Variants in BMP6 observed in about 807,000 individuals in gnomAD.
The protein encoded by BMP6 is VG-1-R.
In BMP6, 17 loss-of-function variants were observed where a neutral mutation model predicts 54.1. That is an observed-to-expected ratio of 0.31 (90% CI 0.22 to 0.47). The LOEUF (loss-of-function observed/expected upper bound fraction) is 0.47, where lower values mean the gene tolerates loss of function less well. Ranked by LOEUF, BMP6 falls within the 20% of genes least tolerant of loss-of-function variation. The pLI is 1.00. For synonymous variants in BMP6, 328 were observed against 291.2 expected (o/e 1.13, Z -1.28); for missense variants, 720 against 690.4 (o/e 1.04, Z -0.48).
intron 1 of BMP6, among the ~76,000 whole-genome samples, chr6:7,837,232 T>G (rs1758889761): frequency 6.6e-6 from 1 of 152,218 alleles, no homozygotes; most frequent in South Asian, 2.1e-4. Context: ...GTTTGTAGTT[T>G]GAGATAGGCA....
At chr6:7,791,207 C>A (rs755480680) in intron 1 of BMP6, among the ~76,000 whole-genome samples, 1 of 152,172 alleles carries the variant, frequency 6.6e-6, no homozygotes, top group African/African-American at 2.4e-5. Context: ...TGTGACTTCT[C>A]CATCATCCCA....
rs1051292435 is a variant in BMP6, at chr6:7,771,774, C to T, written c.664+44155C>T. Among the ~76,000 whole-genome samples the T allele has an allele frequency of 5.9e-5, 9 of 152,144 alleles. No homozygotes were observed. In the South Asian group the frequency reaches 6.2e-4, roughly 11 times the overall value. ...CCTTTCCTTAGAAGTCCTTTTAGGT[C>T]GGATGCGGTGGCTCATGCCTGTAAT... On this transcript the variant is annotated intron_variant, in intron 1 of 6. Transcript: ENST00000283147.
intron 1 of BMP6, among the ~76,000 whole-genome samples, chr6:7,739,531 A>G (rs1373839911): frequency 1.3e-5 from 2 of 152,352 alleles, no homozygotes; most frequent in East Asian, 3.9e-4. Flanking sequence ...GATACATAAA[A>G]GTTCTTACTT....
At chr6:7,772,748 T>G (rs1174601419) in intron 1 of BMP6, among the ~76,000 whole-genome samples, 1 of 152,224 alleles carries the variant, frequency 6.6e-6, no homozygotes, top group Non-Finnish European at 1.5e-5. Context: ...TGGACACCGC[T>G]TGGGGAGAAC....
rs544573534 is a variant in BMP6 at position 7,880,514 on chromosome 6, C to A, written c.*171C>A. On this transcript the variant is annotated 3_prime_UTR_variant, in exon 7 of 7. Transcript: ENST00000283147. ...TAAAGGACCTCATTAATAATTTGCTCACTTGGTAAATGACGTGAGTAGTTG... is the reference window on the plus strand; with the variant it reads ...TAAAGGACCTCATTAATAATTTGCTAACTTGGTAAATGACGTGAGTAGTTG... 7 of 908,498 alleles carry A rather than the reference C, an allele frequency of 7.7e-6. No homozygotes were observed. In the South Asian group the frequency reaches 1.2e-4, roughly 15 times the overall value. 56.3% of individuals were successfully genotyped at this position (908,498 alleles called of 1,614,324 possible). A position where few individuals can be genotyped will look rare whatever the true frequency, so the allele number is the denominator to read the frequency against.
intron 1 of BMP6, among the ~76,000 whole-genome samples, chr6:7,729,934 G>A (rs1761822644): frequency 6.6e-6 from 1 of 152,158 alleles, no homozygotes. Flanking sequence ...CAAAACTCCT[G>A]GCCTCAAGCA....
intron 4 of BMP6, among the ~76,000 whole-genome samples, chr6:7,863,972 A>G (rs1232265010): frequency 6.6e-6 from 1 of 151,436 alleles, no homozygotes; most frequent in Non-Finnish European, 1.5e-5. Context: ...GTGAGCCAAG[A>G]TTAAGATTAT....
intron 2 of BMP6, among the ~76,000 whole-genome samples, chr6:7,854,728 G>A (rs191617109): frequency 6.6e-5 from 10 of 152,290 alleles, no homozygotes; most frequent in Admixed American, 2.0e-4. Context: ...CCCAGGAGGC[G>A]GAGGTTGCAG....
intron 1 of BMP6, among the ~76,000 whole-genome samples, chr6:7,802,909 C>G (rs1198916487): frequency 6.6e-6 from 1 of 152,204 alleles, no homozygotes; most frequent in Non-Finnish European, 1.5e-5. Context: ...TTTATTCGTT[C>G]ACCGAATGCT....
chr6:7,775,021 C>CT (rs932606520), intron 1 of BMP6, among the ~76,000 whole-genome samples: 1 of 152,078 alleles, frequency 6.6e-6, no homozygotes, highest in Non-Finnish European at 1.5e-5. Context: ...TATCAAAAAC[C>CT]TACTCCTGAG....
chr6:7,751,921 C>T (rs957881544), intron 1 of BMP6, among the ~76,000 whole-genome samples: 14 of 152,220 alleles, frequency 9.2e-5, no homozygotes, highest in Non-Finnish European at 1.8e-4. Context: ...ATGGTGTATA[C>T]ATCTCCTTCA....
intron 1 of BMP6, among the ~76,000 whole-genome samples, chr6:7,765,757 A>G (rs1028535397): frequency 5.3e-5 from 8 of 152,258 alleles, no homozygotes; most frequent in African/African-American, 1.9e-4. Context: ...CATGAGCCTC[A>G]CTGGATTAAG....
chr6:7,727,128 C>G lies in BMP6; in HGVS notation c.173C>G (p.Pro58Arg). ...GSPGRTEQPP[P>R]SPQSSSGFLY... ...CCCGGCCGCACGGAGCAGCCGCCGC[C>G]GTCGCCGCAGTCCTCCTCGGGCTTC... Residue 58 changes from proline (P) to arginine (R), a missense_variant, in exon 1 of 7, where the codon CCG becomes CGG. Physicochemically the swap from Pro to Arg is moderately radical, Grantham distance 103 (BLOSUM62 -2). Transcript: ENST00000283147. 1 of 1,529,988 alleles carries G rather than the reference C, an allele frequency of 6.5e-7. No homozygotes were observed. The highest frequency in any genetic ancestry group is 8.8e-7 in the Non-Finnish European group (1 of 1,141,022). 94.8% of individuals were successfully genotyped at this position (1,529,988 alleles called of 1,614,324 possible).
chr6:7,735,746 AT>A (rs1358875749), intron 1 of BMP6, among the ~76,000 whole-genome samples: 1 of 152,168 alleles, frequency 6.6e-6, no homozygotes, highest in Non-Finnish European at 1.5e-5. Flanking sequence ...ATATGGACAC[AT>A]CATTGTCACC....
chr6:7,774,357 C>T (rs1193932823), intron 1 of BMP6, among the ~76,000 whole-genome samples: 2 of 152,184 alleles, frequency 1.3e-5, no homozygotes, highest in African/African-American at 4.8e-5. Flanking sequence ...TGAGACCATC[C>T]TGACCAACAT....
chr6:7,868,846 A>T (rs1027113727), intron 4 of BMP6, among the ~76,000 whole-genome samples: 1 of 151,908 alleles, frequency 6.6e-6, no homozygotes, highest in African/African-American at 2.4e-5. Flanking sequence ...CCTGGTGAGG[A>T]GACGACTCCC....
chr6:7,780,250 T>A (rs1168241806), intron 1 of BMP6, among the ~76,000 whole-genome samples: 1 of 152,194 alleles, frequency 6.6e-6, no homozygotes, highest in Non-Finnish European at 1.5e-5. Flanking sequence ...TCTAATTCTT[T>A]TTAAAAAGCA....
At chr6:7,729,141 G>T (rs1334725912) in intron 1 of BMP6, among the ~76,000 whole-genome samples, 3 of 152,186 alleles carry the variant, frequency 2.0e-5, no homozygotes, top group African/African-American at 7.2e-5. Context: ...CCAAATCCAA[G>T]GTTGAGCCAC....
chr6:7,808,735 A>C (rs923113922), intron 1 of BMP6, among the ~76,000 whole-genome samples: 4 of 151,846 alleles, frequency 2.6e-5, no homozygotes, highest in African/African-American at 9.7e-5. Context: ...GTAACATGAC[A>C]AGATCATGTC....
Sources: allele counts gnomAD v4.1 joint callset (sites outside exome capture counted in the v4.1 genomes callset), GRCh38; gene constraint gnomAD v4.1.1; transcripts MANE v1.5; gene names NCBI Gene and HGNC (gene_info 2026-07-23, HGNC 2026-07-21).